FAN1: variants seen among roughly 807,000 people sequenced by gnomAD.
FAN1 encodes the protein fanconi-associated nuclease 1.
In FAN1, 91 loss-of-function variants were observed where a neutral mutation model predicts 104.9. The ratio of observed to expected loss-of-function variants is 0.87; its 90% CI spans 0.73 to 1.03. The LOEUF is 1.03. FAN1 is among the 50% of genes least tolerant of loss of function. FAN1 has a pLI of 0.00. For missense variants in FAN1, 1,263 were observed against 1,239.9 expected, an observed-to-expected ratio of 1.02 and a Z score of -0.28; for synonymous variants, 478 against 457.6, an observed-to-expected ratio of 1.04 and a Z score of -0.57.
intron 5 of FAN1, among the ~76,000 whole-genome samples, chr15:30,915,338 A>G (rs556674736): frequency 1.3e-5 from 2 of 152,194 alleles, no homozygotes; most frequent in Non-Finnish European, 1.5e-5. Context: ...TAACAGATAC[A>G]AAAGTGCAGC....
chr15:30,906,628 C>T (rs979830179), intron 2 of FAN1: 6 of 425,178 alleles, frequency 1.4e-5, no homozygotes, highest in African/African-American at 2.0e-5. Flanking sequence ...TAGTAAAATG[C>T]GGCCATGTGT....
At chr15:30,904,372 G>C (rs139652225) in intron 1 of FAN1, 140 bp from the exon 2 acceptor site, 10 of 512,942 alleles carry the variant, frequency 1.9e-5, no homozygotes, top group Non-Finnish European at 3.5e-5. Flanking sequence ...AGAGCTTGTC[G>C]GAGGGGCTTG....
chr15:30,911,382 G>A (rs2062098142), intron 4 of FAN1: 2 of 984,974 alleles, frequency 2.0e-6, no homozygotes, highest in Non-Finnish European at 2.4e-6. Context: ...CTGTGGAGTC[G>A]AGGATGAAAT....
chr15:30,931,702 C>CTG (rs1245699120), intron 13 of FAN1, among the ~76,000 whole-genome samples: 1 of 152,168 alleles, frequency 6.6e-6, no homozygotes, highest in Non-Finnish European at 1.5e-5. Flanking sequence ...TGAATTCCCT[C>CTG]TGTATCTTTG....
intron 2 of FAN1, chr15:30,906,302 A>G: frequency 2.2e-6 from 1 of 459,426 alleles, no homozygotes; most frequent in South Asian, 1.6e-5. Context: ...TGAAAGTAGA[A>G]TAAAATACAA....
At chr15:30,940,367 C>T (rs2063000443) in intron 14 of FAN1, 1 of 985,306 alleles carries the variant, frequency 1.0e-6, no homozygotes, top group South Asian at 4.7e-5. Context: ...TGGGGGAGCA[C>T]TTCTGTCGCT....
At chr15:30,932,716 CTT>C (rs60673122) in intron 13 of FAN1, among the ~76,000 whole-genome samples, 8 of 134,340 alleles carry the variant, frequency 6.0e-5, no homozygotes, top group Admixed American at 7.7e-5. Flanking sequence ...TGTTTCTTTT[CTT>C]TTTTTTTTTT....
At chr15:30,927,170 C>T in intron 10 of FAN1, 1 of 954,414 alleles carries the variant, frequency 1.0e-6, no homozygotes, top group Non-Finnish European at 1.2e-6. Context: ...GATTGTGCCA[C>T]TGCACTCCAG....
Position 30,941,976 on chromosome 15 carries a change from A to G in FAN1, c.*414A>G, listed in dbSNP as rs377638176. On this transcript the variant is annotated 3_prime_UTR_variant, in exon 15 of 15. Transcript: ENST00000362065. ...TGAGCTGGATCTGGCTTTGGTTTTA[A>G]TATCAATGAATTTCTCCTTGGAAGT... 1.6e-5 allele frequency: 26 copies of G among 1,613,850 alleles called. No homozygotes were observed. The highest frequency in any genetic ancestry group is 3.3e-4 in the Middle Eastern group (2 of 6,084).
Position 30,922,374 on chromosome 15 carries a change from A to G in FAN1, c.2172+20A>G. ...GAACCGGTACTCAGTAACAAAACAT[A>G]TCTGAAACACCTTTTCATTTTAGAA... is the stretch of plus-strand genomic sequence containing the variant. On this transcript the variant is annotated intron_variant, in intron 8 of 14. Transcript: ENST00000362065. 12 of 1,582,548 alleles carry G rather than the reference A, an allele frequency of 7.6e-6. No individual in the cohort carries two copies. The highest frequency in any genetic ancestry group is 9.4e-6 in the Non-Finnish European group (11 of 1,171,382).
At chr15:30,915,671 T>C (rs757378521) in intron 5 of FAN1, among the ~76,000 whole-genome samples, 63 of 152,328 alleles carry the variant, frequency 4.1e-4, no homozygotes, top group Admixed American at 7.8e-4. Context: ...TTATACATTG[T>C]ATACATGCAT....
rs150393409 is a variant in FAN1, at chr15:30,910,758, G to C, written c.1520G>C (p.Arg507Pro). ...VDAFLKLAKQ[R>P]SVCTWGKNKP... ...GCCTTTCTCAAATTGGCCAAACAGCGTTCAGTCTGCACTTGGGGCAAGAAT... is the reference window on the plus strand; with the variant it reads ...GCCTTTCTCAAATTGGCCAAACAGCCTTCAGTCTGCACTTGGGGCAAGAAT... The change falls in exon 4 of 15, where the codon CGT (arginine) becomes CCT (proline). Residue 507 changes from arginine to proline, a missense_variant. Coordinates refer to ENST00000362065, the MANE Select transcript of FAN1 (RefSeq NM_014967.5). The C allele has an allele frequency of 3.5e-5, 57 of 1,614,074 alleles. No homozygotes were observed. The highest frequency in any genetic ancestry group is 2.4e-4 in the South Asian group (22 of 91,080).
At chr15:30,907,569 C>G (rs114255115) in intron 2 of FAN1, among the ~76,000 whole-genome samples, 1,800 of 152,054 alleles carry the variant, frequency 0.012, 37 homozygotes, top group African/African-American at 0.04. Flanking sequence ...AAAAACAACA[C>G]CAGCATGAAC....
chr15:30,913,762 GTCAT>G (rs753338888), intron 4 of FAN1, 92 bp from the exon 5 acceptor site: 2 of 832,290 alleles, frequency 2.4e-6, no homozygotes, highest in Non-Finnish European at 1.9e-6. Context: ...AATAGTGAAT[GTCAT>G]TTCTCTTTAT....
At chr15:30,908,600 C>T (rs2062033266) in intron 3 of FAN1, among the ~76,000 whole-genome samples, 1 of 152,086 alleles carries the variant, frequency 6.6e-6, no homozygotes, top group Non-Finnish European at 1.5e-5. Context: ...AATCCCAGCA[C>T]TTTGGGAGGC....
At chr15:30,921,583 G>A (rs769801084) in intron 7 of FAN1, among the ~76,000 whole-genome samples, 1 of 152,154 alleles carries the variant, frequency 6.6e-6, no homozygotes, top group Non-Finnish European at 1.5e-5. Flanking sequence ...CTGGTTTCTT[G>A]GCCTGGGGTC....
At chr15:30,921,455 T>C (rs2062328839) in intron 7 of FAN1, among the ~76,000 whole-genome samples, 1 of 152,252 alleles carries the variant, frequency 6.6e-6, no homozygotes, top group African/African-American at 2.4e-5. Context: ...ATTTCACTTT[T>C]GTTGTGTTTG....
intron 12 of FAN1, 111 bp downstream of exon 12, chr15:30,929,508 A>G (rs900762766): frequency 2.9e-5 from 17 of 576,378 alleles, no homozygotes; most frequent in Non-Finnish European, 3.5e-5. Context: ...AAATACATGT[A>G]TGTGTGTGCA....
chr15:30,935,044 G>T (rs956856307), intron 13 of FAN1, among the ~76,000 whole-genome samples: 2 of 151,888 alleles, frequency 1.3e-5, no homozygotes, highest in Admixed American at 6.6e-5. Context: ...TTCCTTTCAC[G>T]CCTGTAATTC....
Sources: gnomAD v4.1 joint callset for allele counts (sites outside exome capture counted in the v4.1 genomes callset) on GRCh38, gnomAD v4.1.1 for gene constraint, MANE v1.5 for transcripts, NCBI Gene and HGNC (gene_info 2026-07-23, HGNC 2026-07-21) for gene names.